The following GCNT2 variants were observed in gnomAD, a reference collection of about 807,000 sequenced individuals.
GCNT2 encodes the protein glucosaminyl (N-acetyl) transferase 2 (I blood group).
GCNT2 carries 34 observed loss-of-function variants against 34.2 expected under a neutral mutation model. The observed-to-expected ratio is 1.00, with a 90% confidence interval of 0.76 to 1.32. GCNT2 has a LOEUF of 1.32. Among genes scored for constraint, GCNT2 ranks in the 40% most tolerant of loss-of-function variants. The pLI is 0.00. For synonymous variants in GCNT2, 212 were observed against 188.0 expected, an observed-to-expected ratio of 1.13 and a Z score of -1.04; for missense variants, 584 against 489.4, an observed-to-expected ratio of 1.19 and a Z score of -1.82.
At chr6:10,548,699 G>C (rs1762363468) in intron 3 of GCNT2, among the ~76,000 whole-genome samples, 1 of 151,758 alleles carries the variant, frequency 6.6e-6, no homozygotes, top group Non-Finnish European at 1.5e-5. Flanking sequence ...TCACCGTTTT[G>C]TTGCAGGCAG....
At chr6:10,623,900 T>A (rs1002453133) in intron 4 of GCNT2, among the ~76,000 whole-genome samples, 12 of 152,204 alleles carry the variant, frequency 7.9e-5, no homozygotes, top group Non-Finnish European at 1.6e-4. Context: ...ACCCGTGTAT[T>A]GTAAGCCACT....
At chr6:10,555,449 C>T (rs1051206365) in intron 3 of GCNT2, among the ~76,000 whole-genome samples, 4 of 152,060 alleles carry the variant, frequency 2.6e-5, no homozygotes, top group African/African-American at 4.8e-5. Flanking sequence ...CATTTGATGC[C>T]GTTCTCTGGG....
intron 3 of GCNT2, chr6:10,555,928 G>A: frequency 9.9e-7 from 1 of 1,010,962 alleles, no homozygotes; most frequent in Non-Finnish European, 1.2e-6. Context: ...CAACAAGAGA[G>A]GGCAAGTCCA....
At chr6:10,597,742 G>A (rs577045183) in intron 3 of GCNT2, among the ~76,000 whole-genome samples, 65 of 150,536 alleles carry the variant, frequency 4.3e-4, no homozygotes, top group Non-Finnish European at 6.7e-4. Flanking sequence ...GATTATAGGC[G>A]TGAGCCACCA....
At position 10,562,074 on chromosome 6, in the gene GCNT2, G is replaced by A. The variant is rs972642931; in HGVS notation, c.925+32238G>A. On this transcript the variant is annotated intron_variant, in intron 3 of 4. Coordinates refer to ENST00000495262, the MANE Select transcript of GCNT2 (RefSeq NM_145649.5). ...AGTTACCGGGTCACACATCTGAGAT[G>A]CCCAAGGGAGCTCCCAATCAAGCTG... is the stretch of plus-strand genomic sequence containing the variant. 2.0e-5 allele frequency among the ~76,000 whole-genome samples: 3 copies of A among 152,274 alleles called. No homozygotes were observed. The East Asian group carries it at 5.8e-4, about 29-fold the overall frequency.
intron 3 of GCNT2, among the ~76,000 whole-genome samples, chr6:10,621,114 T>C (rs1215670773): frequency 6.6e-6 from 1 of 152,224 alleles, no homozygotes; most frequent in Non-Finnish European, 1.5e-5. Context: ...TATTGATTTG[T>C]ATATTGATTG....
In GCNT2 at chr6:10,536,326, T is replaced by A. The variant is rs1366971639; in HGVS notation, c.925+6490T>A. Among the ~76,000 whole-genome samples, 4 of 152,132 alleles carry A rather than the reference T, an allele frequency of 2.6e-5. No homozygotes were observed. In the South Asian group the frequency reaches 6.2e-4, roughly 24 times the overall value. On this transcript the variant is annotated intron_variant, in intron 3 of 4. Transcript: ENST00000495262. The stretch of plus-strand genomic sequence containing the variant: ...TCCGCTTAAGCAATCTCTGTTTTTT[T>A]ATATCTGCCAGAAATATCGGTTTTT...
intron 3 of GCNT2, among the ~76,000 whole-genome samples, chr6:10,579,328 A>G (rs942143094): frequency 1.3e-5 from 2 of 152,216 alleles, no homozygotes; most frequent in Non-Finnish European, 2.9e-5. Flanking sequence ...TCAGAAATGC[A>G]TTTTTAAATA....
At chr6:10,606,004 C>G (rs1469071415) in intron 3 of GCNT2, among the ~76,000 whole-genome samples, 2 of 152,098 alleles carry the variant, frequency 1.3e-5, no homozygotes, top group Non-Finnish European at 2.9e-5. Context: ...GAGGACAAGC[C>G]CTGGTCAACA....
intron 3 of GCNT2, among the ~76,000 whole-genome samples, chr6:10,574,590 A>G (rs1405880803): frequency 1.3e-5 from 2 of 152,198 alleles, no homozygotes; most frequent in African/African-American, 2.4e-5. Context: ...AAAATTTAGG[A>G]TGGGGGGAGC....
At chr6:10,568,035 C>G (rs1763365224) in intron 3 of GCNT2, among the ~76,000 whole-genome samples, 1 of 152,154 alleles carries the variant, frequency 6.6e-6, no homozygotes, top group South Asian at 2.1e-4. Flanking sequence ...CAGTGAAATT[C>G]AGAATTCGAG....
intron 3 of GCNT2, among the ~76,000 whole-genome samples, chr6:10,582,564 A>G (rs1279485240): frequency 7.3e-6 from 1 of 137,108 alleles, no homozygotes; most frequent in Non-Finnish European, 1.5e-5. Context: ...TATATCATAT[A>G]TATTTAAATA....
At chr6:10,558,486 A>T (rs1227782527) in intron 3 of GCNT2, among the ~76,000 whole-genome samples, 1 of 152,182 alleles carries the variant, frequency 6.6e-6, no homozygotes, top group Non-Finnish European at 1.5e-5. Flanking sequence ...TCTCACCCGA[A>T]TTTTCCTATC....
In GCNT2 at chr6:10,627,982, T is replaced by C. The variant is rs1020194233; in HGVS notation, c.*1375T>C. ...TCACAACAGTCTTGTGAGGCCCTTA[T>C]ATAATTACTCCCATTTTGCAGATGA... On this transcript the variant is annotated 3_prime_UTR_variant, in exon 5 of 5. Transcript: ENST00000495262. 1 of 152,630 alleles carries C rather than the reference T, an allele frequency of 6.6e-6. No individual in the cohort carries two copies. The highest frequency in any genetic ancestry group is 6.5e-5 in the Admixed American group (1 of 15,280). 9.5% of individuals were successfully genotyped at this position (152,630 alleles called of 1,614,324 possible).
chr6:10,601,666 G>A (rs1765089154), intron 3 of GCNT2, among the ~76,000 whole-genome samples: 1 of 152,182 alleles, frequency 6.6e-6, no homozygotes, highest in Non-Finnish European at 1.5e-5. Flanking sequence ...CCTTGGCCAG[G>A]CGCAGTGGCT....
In GCNT2 at chr6:10,604,024, T is replaced by C. The variant is rs374477831; in HGVS notation, c.926-17327T>C. 2.7e-4 allele frequency among the ~76,000 whole-genome samples: 41 copies of C among 152,116 alleles called. 1 individual carries two copies. The highest frequency in any genetic ancestry group is 9.9e-4 in the African/African-American group (41 of 41,480). Reference sequence around the variant, plus strand: ...GATTCTCTTGCCTCAGCCTCCCATGTAGCTGGGATTACAGGCGCACGCCAC... The same window carrying C: ...GATTCTCTTGCCTCAGCCTCCCATGCAGCTGGGATTACAGGCGCACGCCAC... On this transcript the variant is annotated intron_variant, in intron 3 of 4. Coordinates refer to ENST00000495262, the MANE Select transcript of GCNT2 (RefSeq NM_145649.5).
At chr6:10,621,474 C>G (rs777356130) in intron 4 of GCNT2, 31 bp downstream of exon 4, 4 of 1,383,508 alleles carry the variant, frequency 2.9e-6, no homozygotes, top group Non-Finnish European at 4.1e-6. Flanking sequence ...TTCTAGGCCA[C>G]TGCCTGTTGG....
intron 3 of GCNT2, among the ~76,000 whole-genome samples, chr6:10,610,058 C>T (rs937185633): frequency 5.3e-5 from 8 of 152,172 alleles, no homozygotes; most frequent in African/African-American, 1.9e-4. Flanking sequence ...GACAGAGAGA[C>T]CCACTGGCAG....
chr6:10,573,506 A>AGT (rs1348965356), intron 3 of GCNT2, among the ~76,000 whole-genome samples: 1 of 152,202 alleles, frequency 6.6e-6, no homozygotes, highest in Non-Finnish European at 1.5e-5. Context: ...GGGGGCAGGT[A>AGT]GTGTCACAGA....
Sources: allele counts gnomAD v4.1 joint callset (sites outside exome capture counted in the v4.1 genomes callset), GRCh38; gene constraint gnomAD v4.1.1; transcripts MANE v1.5; gene names NCBI Gene and HGNC (gene_info 2026-07-23, HGNC 2026-07-21).